GRID2: variants seen among roughly 807,000 people sequenced by gnomAD.
The protein encoded by GRID2 is glutamate ionotropic receptor delta type subunit 2.
Under a neutral mutation model 114.8 loss-of-function variants are expected in GRID2, and 33 were observed. The observed-to-expected ratio is 0.29, with a 90% CI of 0.22 to 0.38. GRID2 has a LOEUF of 0.38. GRID2 is among the 10% of genes least tolerant of loss of function. The probability of loss-of-function intolerance (pLI) is 1.00; values close to 1 mark genes in which losing one functional copy is unlikely to be tolerated. For synonymous variants in GRID2, 505 were observed against 449.9 expected, an observed-to-expected ratio of 1.12 and a Z score of -1.55; for missense variants, 1,184 against 1,257.7, an observed-to-expected ratio of 0.94 and a Z score of 0.89.
intron 1 of GRID2, among the ~76,000 whole-genome samples, chr4:92,443,782 C>T (rs1397945387): frequency 1.3e-5 from 2 of 152,174 alleles, no homozygotes; most frequent in Admixed American, 6.5e-5. Context: ...AGGACCAAGG[C>T]AGGCGTCCCT....
intron 2 of GRID2, among the ~76,000 whole-genome samples, chr4:92,983,211 T>C (rs1754323593): frequency 6.6e-6 from 1 of 152,086 alleles, no homozygotes. Context: ...TAATTAATCA[T>C]GAACAGAAAT....
intron 14 of GRID2, among the ~76,000 whole-genome samples, chr4:93,761,757 C>G (rs1163904846): frequency 6.6e-6 from 1 of 152,148 alleles, no homozygotes; most frequent in Non-Finnish European, 1.5e-5. Context: ...TTCCCTTACA[C>G]TATTTGATAT....
chr4:92,622,736 G>A (rs1039339518), intron 2 of GRID2, among the ~76,000 whole-genome samples: 2 of 151,690 alleles, frequency 1.3e-5, no homozygotes, highest in Non-Finnish European at 1.5e-5. Flanking sequence ...CAAATTTTGA[G>A]TCTAAAGCAT....
At chr4:93,614,710 C>T (rs571739955) in intron 13 of GRID2, among the ~76,000 whole-genome samples, 32 of 151,760 alleles carry the variant, frequency 2.1e-4, no homozygotes, top group Non-Finnish European at 4.4e-4. Flanking sequence ...TTTTTCTGTC[C>T]TCTGATACAG....
intron 14 of GRID2, among the ~76,000 whole-genome samples, chr4:93,677,676 G>A (rs1319810168): frequency 6.6e-6 from 1 of 152,152 alleles, no homozygotes; most frequent in African/African-American, 2.4e-5. Flanking sequence ...AACAGGGTCT[G>A]GAGTGGACCT....
At chr4:93,682,592 T>C (rs1725673014) in intron 14 of GRID2, among the ~76,000 whole-genome samples, 1 of 152,120 alleles carries the variant, frequency 6.6e-6, no homozygotes, top group Non-Finnish European at 1.5e-5. Context: ...CATGGAATAC[T>C]ATGCAGCCAT....
At chr4:92,418,047 A>G (rs1343746540) in intron 1 of GRID2, among the ~76,000 whole-genome samples, 1 of 152,142 alleles carries the variant, frequency 6.6e-6, no homozygotes, top group Non-Finnish European at 1.5e-5. Flanking sequence ...GTATGTTTTT[A>G]TTAGCAGTGT....
At chr4:93,358,733 G>C (rs1199880517) in intron 8 of GRID2, among the ~76,000 whole-genome samples, 1 of 151,926 alleles carries the variant, frequency 6.6e-6, no homozygotes, top group Non-Finnish European at 1.5e-5. Context: ...CTTTGATCTA[G>C]TAATGAATCA....
intron 1 of GRID2, among the ~76,000 whole-genome samples, chr4:92,339,779 G>A (rs1031802534): frequency 6.6e-6 from 1 of 152,138 alleles, no homozygotes; most frequent in African/African-American, 2.4e-5. Flanking sequence ...TTTTAATAAC[G>A]AAATAAAACT....
chr4:92,697,073 G>A (rs1428869614), intron 2 of GRID2, among the ~76,000 whole-genome samples: 1 of 152,194 alleles, frequency 6.6e-6, no homozygotes, highest in East Asian at 1.9e-4. Context: ...AGTGGCATGA[G>A]CCTTAAATGA....
At chr4:93,437,531 G>A (rs1318626102) in intron 10 of GRID2, among the ~76,000 whole-genome samples, 4 of 152,024 alleles carry the variant, frequency 2.6e-5, no homozygotes, top group Non-Finnish European at 5.9e-5. Context: ...AGTATGAGTA[G>A]AAGACAAAAC....
intron 1 of GRID2, among the ~76,000 whole-genome samples, chr4:93,798,131 C>G (rs764044727): frequency 6.6e-6 from 1 of 151,424 alleles, no homozygotes; most frequent in African/African-American, 2.4e-5. Flanking sequence ...CCAGCCTGGG[C>G]GACAGGAGTG....
intron 1 of GRID2, among the ~76,000 whole-genome samples, chr4:92,336,954 G>GTTTTTTTTTTTTTTTTTTTTTTT (rs59093874): frequency 1.3e-4 from 10 of 78,164 alleles, no homozygotes; most frequent in East Asian, 3.7e-4. Context: ...TTTCGTTGTT[G>GTTTTTTTTTTTTTTTTTTTTTTT]TTTTTTTTTT....
intron 13 of GRID2, among the ~76,000 whole-genome samples, chr4:93,604,409 G>C (rs1739995267): frequency 6.6e-6 from 1 of 152,156 alleles, no homozygotes; most frequent in Admixed American, 6.5e-5. Context: ...TGAATAAGGA[G>C]TCACTTCTTA....
At chr4:93,344,269 A>G (rs1759960891) in intron 8 of GRID2, among the ~76,000 whole-genome samples, 1 of 152,050 alleles carries the variant, frequency 6.6e-6, no homozygotes, top group African/African-American at 2.4e-5. Flanking sequence ...CTGCATGGCC[A>G]AAGATTCCAT....
Position 93,469,879 on chromosome 4 carries a change from A to G in GRID2, c.1858+13905A>G, listed in dbSNP as rs569592560. Among the ~76,000 whole-genome samples the G allele has an allele frequency of 2.6e-5, 4 of 152,286 alleles. No individual in the cohort carries two copies. In the South Asian group the frequency reaches 6.2e-4, roughly 24 times the overall value. ...CTGTAGTTATTGCAAATAGTTGTAT[A>G]GATTAGTGACGTTTCTGAAAAACTA... On this transcript the variant is annotated intron_variant, in intron 11 of 15. Coordinates refer to ENST00000282020, the MANE Select transcript of GRID2 (RefSeq NM_001510.4).
chr4:92,584,321 C>T (rs7688955), intron 1 of GRID2, among the ~76,000 whole-genome samples: 57,650 of 151,680 alleles, frequency 0.38, 10,952 homozygotes, highest in Middle Eastern at 0.46. Flanking sequence ...AATCTCTTGA[C>T]TTGGATATAT....
chr4:92,763,181 A>T (rs756110326), intron 2 of GRID2, among the ~76,000 whole-genome samples: 148 of 152,220 alleles, frequency 9.7e-4, no homozygotes, highest in Non-Finnish European at 3.5e-4. Flanking sequence ...CTTAATAAAG[A>T]TCTTTTATTT....
intron 14 of GRID2, among the ~76,000 whole-genome samples, chr4:93,635,936 C>G (rs984273153): frequency 3.3e-5 from 5 of 152,148 alleles, no homozygotes; most frequent in African/African-American, 1.2e-4. Flanking sequence ...CCTTTACTCT[C>G]AAGAAGCATA....
Sources: allele counts gnomAD v4.1 joint callset (sites outside exome capture counted in the v4.1 genomes callset), GRCh38; gene constraint gnomAD v4.1.1; transcripts MANE v1.5; gene names NCBI Gene and HGNC (gene_info 2026-07-23, HGNC 2026-07-21).